Variants in HMCN2 observed in about 807,000 individuals in gnomAD.
HMCN2 encodes the protein hemicentin 2.
A neutral mutation model predicts 377.5 loss-of-function variants in HMCN2; 325 were observed. The observed-to-expected ratio is 0.86, with a 90% confidence interval of 0.79 to 0.94. The LOEUF (loss-of-function observed/expected upper bound fraction) is 0.94, where lower values mean the gene tolerates loss of function less well. Among genes scored for constraint, HMCN2 ranks in the 40% least tolerant of loss-of-function variants. The pLI is 0.00. For synonymous variants in HMCN2, 2,007 were observed against 2,046.8 expected (o/e 0.98, Z 0.53); for missense variants, 4,543 against 4,725.3 (o/e 0.96, Z 1.13).
At chr9:130,329,942 T>C (rs1838338742) in intron 22 of HMCN2, among the ~76,000 whole-genome samples, 1 of 151,832 alleles carries the variant, frequency 6.6e-6, no homozygotes, top group South Asian at 2.1e-4. Flanking sequence ...ACAGTGAGAC[T>C]TTCTGTCTGT....
rs943708435 is a variant in HMCN2 at position 130,374,540 on chromosome 9, C to T, written c.7477C>T (p.Arg2493Trp). Reference sequence around the variant, plus strand: ...CAAGCTCACATGGTTCAAAGATGGCCGGCCTCTGGCTAGGGGAGATGCTCA... The same window carrying T: ...CAAGCTCACATGGTTCAAAGATGGCTGGCCTCTGGCTAGGGGAGATGCTCA... Reference protein sequence around the residue: ...QPKLTWFKDGRPLARGDAHHI... With the variant: ...QPKLTWFKDGWPLARGDAHHI... The change falls in exon 49 of 98, where the codon CGG (arginine) becomes TGG (tryptophan). Residue 2493 changes from arginine (R) to tryptophan (W), a missense_variant. Around this residue, in one of 5 missense-constraint regions of HMCN2, gnomAD observed 1,032 missense variants for 1,285.1 expected, o/e 0.80. Transcript: ENST00000683500. The T allele has an allele frequency of 1.3e-4, 128 of 985,734 alleles. No individual in the cohort carries two copies. The highest frequency in any genetic ancestry group is 3.8e-4 in the South Asian group (8 of 21,294). 61.1% of individuals were successfully genotyped at this position (985,734 alleles called of 1,614,324 possible).
intron 50 of HMCN2, 46 bp from the exon 51 acceptor site, chr9:130,375,830 T>C (rs1841348047): frequency 1.0e-6 from 1 of 982,394 alleles, no homozygotes; most frequent in Non-Finnish European, 1.2e-6. Flanking sequence ...ATGCCTGGCA[T>C]GAGGCTGCAG....
chr9:130,420,038 C>A (rs1234966037), intron 86 of HMCN2, among the ~76,000 whole-genome samples: 2 of 150,534 alleles, frequency 1.3e-5, no homozygotes, highest in Non-Finnish European at 2.9e-5. Flanking sequence ...AGCAGACCCC[C>A]ATGTATTTCA....
Position 130,366,001 on chromosome 9 carries a change from A to T in HMCN2, c.6625+6A>T, listed in dbSNP as rs897265097. On this transcript the variant is annotated splice_donor_region_variant and intron_variant, in intron 43 of 97. Transcript: ENST00000683500. ...GATCTCCTGGAGGAAGGACGGTAGG[A>T]TTGCTGCCCTCACCCAGCCCCACCT... 3.6e-5 allele frequency: 35 copies of T among 985,908 alleles called. No homozygotes were observed. The highest frequency in any genetic ancestry group is 3.9e-5 in the Non-Finnish European group (32 of 830,032). 61.1% of individuals were successfully genotyped at this position (985,908 alleles called of 1,614,324 possible).
intron 71 of HMCN2, 101 bp downstream of exon 71, chr9:130,395,448 G>T: frequency 9.8e-7 from 1 of 1,024,684 alleles, no homozygotes; most frequent in Non-Finnish European, 1.3e-6. Context: ...CCAAGGGCCC[G>T]CTCTGAGCTG....
At chr9:130,420,467 T>TAAAAA (rs567658278) in intron 86 of HMCN2, among the ~76,000 whole-genome samples, 2 of 151,628 alleles carry the variant, frequency 1.3e-5, no homozygotes, top group African/African-American at 4.9e-5. Context: ...GGGCTACTGG[T>TAAAAA]AAAAAAACAA....
In HMCN2 at chr9:130,351,872, C is replaced by A. The variant is rs1839741623; in HGVS notation, c.4585+295C>A. Among the ~76,000 whole-genome samples, 1 of 151,894 alleles carries A rather than the reference C, an allele frequency of 6.6e-6. No homozygotes were observed. On this transcript the variant is annotated intron_variant, in intron 30 of 97. Coordinates refer to ENST00000683500, the MANE Select transcript of HMCN2 (RefSeq NM_001291815.2). This position sits in a 1 kb window ranked among gnomAD's most constrained non-coding sequence, Gnocchi z 5.4. ...TGTTGCCTAGGCTGGAGCGCAGTGG[C>A]ACCATCTTGGCTCACTGCAACCTCC...
chr9:130,411,228 C>A lies in HMCN2; in HGVS notation c.12961+576C>A, dbSNP rs532276042. ...TCTGCCTCTTTAAAAAAAAAAACAACAAACTTTATTGAGTTATAATTTGCA... is the reference window on the plus strand; with the variant it reads ...TCTGCCTCTTTAAAAAAAAAAACAAAAAACTTTATTGAGTTATAATTTGCA... On this transcript the variant is annotated intron_variant, in intron 85 of 97. Coordinates refer to ENST00000683500, the MANE Select transcript of HMCN2 (RefSeq NM_001291815.2). Among the ~76,000 whole-genome samples the A allele has an allele frequency of 7.4e-3, 1,114 of 149,856 alleles. 23 individuals are homozygous for A. Among genetic ancestry groups the A allele is most frequent in the African/African-American group, 0.025 (1,037 of 40,926 alleles).
intron 52 of HMCN2, among the ~76,000 whole-genome samples, chr9:130,377,313 T>C: frequency 6.6e-6 from 1 of 151,828 alleles, no homozygotes; most frequent in Non-Finnish European, 1.5e-5. Context: ...TGGGGCTTCT[T>C]TATGTTGGCC....
Position 130,382,198 on chromosome 9 carries a change from C to T in HMCN2, c.8446C>T (p.Gln2816Ter). ...TGTCCCTGCAGGAGGCCGGGTCCTG[C>T]AGATCCCCCTGGTGCGGGCAGAGAA... ...VSVLQGGRVL[Q>*]IPLVRAENAG... The change falls in exon 55 of 98, where the codon CAG (glutamine) becomes TAG (stop). Residue 2816 changes from glutamine to a stop codon, truncating the protein, a stop_gained. Coordinates refer to ENST00000683500, the MANE Select transcript of HMCN2 (RefSeq NM_001291815.2). LOFTEE classifies it high-confidence loss of function. 1 of 985,852 alleles carries T rather than the reference C, an allele frequency of 1.0e-6. No homozygotes were observed. The highest frequency in any genetic ancestry group is 1.2e-6 in the Non-Finnish European group (1 of 829,920). 61.1% of individuals were successfully genotyped at this position (985,852 alleles called of 1,614,324 possible).
chr9:130,391,622 G>A (rs1053877080), intron 65 of HMCN2, 48 bp downstream of exon 65: 5 of 985,750 alleles, frequency 5.1e-6, no homozygotes, highest in East Asian at 1.1e-4. Context: ...GCCTGGGCAC[G>A]GGAGATAAGG....
intron 1 of HMCN2, among the ~76,000 whole-genome samples, chr9:130,273,450 G>A (rs903397278): frequency 6.6e-6 from 1 of 151,730 alleles, no homozygotes; most frequent in Non-Finnish European, 1.5e-5. Context: ...AGCAAAAACT[G>A]TCAGAACAAT....
intron 75 of HMCN2, 81 bp downstream of exon 75, chr9:130,398,788 G>A (rs1191658036): frequency 2.6e-6 from 3 of 1,174,652 alleles, no homozygotes; most frequent in South Asian, 2.8e-5. Context: ...CATGGGGCAG[G>A]GACGGGGCGG....
chr9:130,317,507 T>TC (rs1837627187), intron 15 of HMCN2, among the ~76,000 whole-genome samples: 4 of 132,960 alleles, frequency 3.0e-5, no homozygotes, highest in East Asian at 4.5e-4. Flanking sequence ...CTCTCTCTCT[T>TC]TTTTGTAGAC....
rs1160736855 is a variant in HMCN2, at chr9:130,425,122, C to T, written c.13633C>T (p.Gln4545Ter). The change falls in exon 89 of 98, where the codon CAA becomes TAA. Residue 4545 changes from glutamine to a stop codon, truncating the protein, a stop_gained. Coordinates refer to ENST00000683500, the MANE Select transcript of HMCN2 (RefSeq NM_001291815.2). LOFTEE classifies it high-confidence loss of function. The part of the protein sequence containing the change: ...VPESLADADL[Q>*]VQDFEEHYVQ... ...CGAGAGCCTGGCTGACGCAGATCTT[C>T]AAGTGCAGGTCGGGGGTCAAGCCCT... 5.2e-6 allele frequency: 8 copies of T among 1,548,504 alleles called. No homozygotes were observed. The East Asian group carries it at 9.8e-5, about 19-fold the overall frequency.
At chr9:130,353,523 A>G (rs1407709737) in intron 31 of HMCN2, among the ~76,000 whole-genome samples, 2 of 152,218 alleles carry the variant, frequency 1.3e-5, no homozygotes, top group African/African-American at 2.4e-5. Flanking sequence ...GACCACCACA[A>G]TAATTAACTG....
At chr9:130,328,691 G>T (rs1838271621) in intron 22 of HMCN2, among the ~76,000 whole-genome samples, 1 of 152,162 alleles carries the variant, frequency 6.6e-6, no homozygotes, top group African/African-American at 2.4e-5. Flanking sequence ...CTGGAGTTCC[G>T]CAGACCCGGT....
At chr9:130,299,909 A>G (rs782753855) in intron 8 of HMCN2, among the ~76,000 whole-genome samples, 9 of 144,912 alleles carry the variant, frequency 6.2e-5, no homozygotes, top group Non-Finnish European at 1.2e-4. Flanking sequence ...CCATTCATGC[A>G]CTCATCCACC....
In HMCN2 at chr9:130,317,216, C is replaced by T. The variant is rs1373355493; in HGVS notation, c.2351-2279C>T. ...CTGATCTTAGCCCTGCCACTGGCTT[C>T]AAGCTGTGACCTTGGGCAGGTTCCT... On this transcript the variant is annotated intron_variant, in intron 15 of 97. Coordinates refer to ENST00000683500, the MANE Select transcript of HMCN2 (RefSeq NM_001291815.2). Among the ~76,000 whole-genome samples the T allele has an allele frequency of 2.0e-5, 3 of 152,170 alleles. No individual in the cohort carries two copies. The East Asian group carries it at 5.8e-4, about 29-fold the overall frequency.
Sources: gnomAD v4.1 joint callset for allele counts (sites outside exome capture counted in the v4.1 genomes callset) on GRCh38, gnomAD v4.1.1 for gene constraint, gnomAD v4.1.1 regional missense constraint, Gnocchi (gnomAD v3.1) non-coding constraint, MANE v1.5 for transcripts, NCBI Gene and HGNC (gene_info 2026-07-23, HGNC 2026-07-21) for gene names.